Variants in EYA1 observed in about 807,000 individuals in gnomAD.
The protein encoded by EYA1 is EYA transcriptional coactivator and phosphatase 1, also known as protein phosphatase EYA1.
EYA1 carries 16 observed loss-of-function variants against 82.0 expected under a neutral mutation model. That is an observed-to-expected ratio of 0.20 (90% CI 0.13 to 0.30). EYA1 has a LOEUF of 0.30. Ranked by LOEUF, EYA1 falls within the 10% of genes least tolerant of loss-of-function variation. The pLI, the probability that EYA1 is intolerant of heterozygous loss-of-function variation, is 1.00. For synonymous variants in EYA1, 261 were observed against 264.4 expected, an observed-to-expected ratio of 0.99 and a Z score of 0.12; for missense variants, 633 against 730.7, an observed-to-expected ratio of 0.87 and a Z score of 1.54.
intron 9 of EYA1, among the ~76,000 whole-genome samples, chr8:71,296,266 T>G (rs1410784234): frequency 6.6e-6 from 1 of 152,116 alleles, no homozygotes; most frequent in East Asian, 1.9e-4. Context: ...TTAAAATAAT[T>G]TTTGAACTCA....
At position 71,321,753 on chromosome 8, in the gene EYA1, C is replaced by G; in HGVS notation, c.399G>C (p.Pro133=). 6.2e-7 allele frequency: 1 copy of G among 1,614,142 alleles called. No individual in the cohort carries two copies. The highest frequency in any genetic ancestry group is 8.5e-7 in the Non-Finnish European group (1 of 1,180,012). The change falls in exon 6 of 18, where the codon CCG becomes CCC. Residue 133 remains proline (P), a synonymous_variant. Coordinates refer to ENST00000340726, the MANE Select transcript of EYA1 (RefSeq NM_000503.6). ...ACTCACCATATGAGGAAATGCCGTA[C>G]GGCTGTCCTGGCTGTGGGTACGTGG... The part of the protein sequence containing the change: ...AYATYPQPGQ[P]YGISSYGALW...
At chr8:71,528,007 TA>T (rs1004432538) in intron 2 of EYA1, among the ~76,000 whole-genome samples, 10 of 151,208 alleles carry the variant, frequency 6.6e-5, no homozygotes, top group African/African-American at 2.4e-4. Context: ...CCCTCACACA[TA>T]AAAAAACAAA....
At chr8:71,389,464 T>G (rs1829149636) in intron 2 of EYA1, among the ~76,000 whole-genome samples, 1 of 152,180 alleles carries the variant, frequency 6.6e-6, no homozygotes, top group Non-Finnish European at 1.5e-5. Context: ...TTAAATGTCC[T>G]GCATGTAACT....
intron 6 of EYA1, among the ~76,000 whole-genome samples, chr8:71,318,476 G>A (rs1303021825): frequency 2.6e-5 from 4 of 151,964 alleles, no homozygotes; most frequent in Non-Finnish European, 5.9e-5. Flanking sequence ...TGTATCTGTG[G>A]CCCCCAAATA....
At chr8:71,362,284 T>TAAAA, upstream of EYA1, 1 of 656,750 alleles carries the variant, frequency 1.5e-6, no homozygotes, top group African/African-American at 2.1e-5. Context: ...CCTTGCTGTT[T>TAAAA]AAAAAAAAAA....
At chr8:71,369,032 CAAAAAAA>C (rs60647486) in intron 2 of EYA1, among the ~76,000 whole-genome samples, 24 of 112,828 alleles carry the variant, frequency 2.1e-4, no homozygotes, top group East Asian at 6.1e-4. Flanking sequence ...ACTAAAAATA[CAAAAAAA>C]AAAAAAAAAA....
intron 2 of EYA1, among the ~76,000 whole-genome samples, chr8:71,426,679 A>G (rs1805257542): frequency 6.6e-6 from 1 of 152,240 alleles, no homozygotes; most frequent in Admixed American, 6.5e-5. Flanking sequence ...ATAGAGATCT[A>G]GTTTACTCAA....
At chr8:71,275,981 T>C (rs1206874020) in intron 9 of EYA1, among the ~76,000 whole-genome samples, 2 of 152,268 alleles carry the variant, frequency 1.3e-5, no homozygotes, top group African/African-American at 4.8e-5. Context: ...GGAGAACTTC[T>C]GCTCTGACCA....
At chr8:71,400,509 AT>A (rs1829895926) in intron 2 of EYA1, among the ~76,000 whole-genome samples, 1 of 150,940 alleles carries the variant, frequency 6.6e-6, no homozygotes. Flanking sequence ...AAAAGCAAAC[AT>A]TTATGCAGCC....
chr8:71,207,578 G>C (rs1242409106), intron 17 of EYA1, among the ~76,000 whole-genome samples: 2 of 152,096 alleles, frequency 1.3e-5, no homozygotes, highest in Non-Finnish European at 2.9e-5. Context: ...AAAGCTAGGA[G>C]GACTCATTTG....
At chr8:71,411,630 G>A (rs1830594712) in intron 2 of EYA1, among the ~76,000 whole-genome samples, 3 of 151,746 alleles carry the variant, frequency 2.0e-5, no homozygotes, top group Admixed American at 1.3e-4. Flanking sequence ...ATGAAAAAAT[G>A]CTCATCATCA....
intron 3 of EYA1, among the ~76,000 whole-genome samples, chr8:71,339,759 C>T: frequency 6.6e-6 from 1 of 152,122 alleles, no homozygotes; most frequent in East Asian, 1.9e-4. Flanking sequence ...CTTCTTAATC[C>T]TAACTTTCCT....
intron 2 of EYA1, among the ~76,000 whole-genome samples, chr8:71,491,886 G>A (rs530571209): frequency 1.3e-5 from 2 of 152,182 alleles, no homozygotes; most frequent in South Asian, 4.1e-4. Context: ...ACAATTATAC[G>A]GGTATTTAAT....
intron 2 of EYA1, among the ~76,000 whole-genome samples, chr8:71,439,372 TG>T (rs1387983155): frequency 6.6e-6 from 1 of 151,688 alleles, no homozygotes; most frequent in East Asian, 1.9e-4. Context: ...AAGTTGGAGG[TG>T]GGGGTAAAGG....
At chr8:71,505,560 T>C (rs909259947) in intron 2 of EYA1, among the ~76,000 whole-genome samples, 1 of 152,144 alleles carries the variant, frequency 6.6e-6, no homozygotes, top group Non-Finnish European at 1.5e-5. Context: ...AAAAAGACTG[T>C]GAAAGTTAGG....
intron 7 of EYA1, among the ~76,000 whole-genome samples, chr8:71,305,124 CT>C (rs1358396114): frequency 7.0e-6 from 1 of 143,000 alleles, no homozygotes; most frequent in African/African-American, 2.5e-5. Flanking sequence ...TCACTTACAA[CT>C]TTTGGTCACA....
intron 11 of EYA1, among the ~76,000 whole-genome samples, chr8:71,246,857 C>T (rs946223006): frequency 6.6e-6 from 1 of 152,098 alleles, no homozygotes; most frequent in African/African-American, 2.4e-5. Flanking sequence ...GCCTGGAGGT[C>T]AACCCAACCC....
At chr8:71,456,236 C>A (rs1373060221) in intron 2 of EYA1, among the ~76,000 whole-genome samples, 5 of 152,112 alleles carry the variant, frequency 3.3e-5, no homozygotes, top group African/African-American at 4.8e-5. Context: ...AACTACAAAC[C>A]ACTGCTCAAC....
upstream of EYA1, among the ~76,000 whole-genome samples, chr8:71,364,952 ATATATATAT>A (rs1827658258): frequency 2.5e-5 from 1 of 39,416 alleles, no homozygotes; most frequent in Non-Finnish European, 4.9e-5. Flanking sequence ...ATATATATAT[ATATATATAT>A]ATATATATAT....
Sources: gnomAD v4.1 joint callset for allele counts (sites outside exome capture counted in the v4.1 genomes callset) on GRCh38, gnomAD v4.1.1 for gene constraint, MANE v1.5 for transcripts, NCBI Gene and HGNC (gene_info 2026-07-23, HGNC 2026-07-21) for gene names.